Variants in HSDL2 observed in about 807,000 individuals in gnomAD.
HSDL2 encodes the protein hydroxysteroid dehydrogenase-like protein 2.
Under a neutral mutation model 46.3 loss-of-function variants are expected in HSDL2, and 27 were observed. The ratio of observed to expected loss-of-function variants is 0.58; its 90% CI spans 0.43 to 0.80. The LOEUF is 0.80. Among genes scored for constraint, HSDL2 ranks in the 30% least tolerant of loss-of-function variants. The pLI is 0.00. For synonymous variants in HSDL2, 153 were observed against 163.6 expected (o/e 0.94, Z 0.50); for missense variants, 451 against 502.7 (o/e 0.90, Z 0.98).
intron 8 of HSDL2, among the ~76,000 whole-genome samples, chr9:112,445,926 G>A (rs1478883162): frequency 6.6e-6 from 1 of 152,120 alleles, no homozygotes; most frequent in Non-Finnish European, 1.5e-5. Flanking sequence ...TCCTTCCTTA[G>A]CAGCATCCTC....
chr9:112,433,574 G>T (rs1255074472), intron 6 of HSDL2, among the ~76,000 whole-genome samples: 1 of 152,182 alleles, frequency 6.6e-6, no homozygotes, highest in South Asian at 2.1e-4. Context: ...CTGAATATGG[G>T]ATGGCTTGTA....
At chr9:112,422,273 G>T (rs1832141826) in intron 6 of HSDL2, among the ~76,000 whole-genome samples, 1 of 152,192 alleles carries the variant, frequency 6.6e-6, no homozygotes, top group Admixed American at 6.5e-5. Flanking sequence ...AAGAAAAATT[G>T]CAGTACAGCT....
intron 4 of HSDL2, among the ~76,000 whole-genome samples, chr9:112,416,404 GGCA>G (rs1182839591): frequency 6.6e-6 from 1 of 150,854 alleles, no homozygotes; most frequent in African/African-American, 2.4e-5. Flanking sequence ...ACTCCAGCCT[GGCA>G]ACAGAGAGAC....
chr9:112,416,442 AC>A (rs1831995418), intron 4 of HSDL2, among the ~76,000 whole-genome samples: 1 of 143,340 alleles, frequency 7.0e-6, no homozygotes, highest in African/African-American at 3.0e-5. Context: ...AAAAAAAAAA[AC>A]AAACAAAAAA....
At chr9:112,439,335 G>A (rs1206731263) in intron 7 of HSDL2, among the ~76,000 whole-genome samples, 1 of 152,128 alleles carries the variant, frequency 6.6e-6, no homozygotes, top group Non-Finnish European at 1.5e-5. Context: ...ATTTATGATT[G>A]TGGACTCTCT....
chr9:112,412,192 A>G (rs1014583275), intron 4 of HSDL2, among the ~76,000 whole-genome samples: 3 of 152,232 alleles, frequency 2.0e-5, no homozygotes, highest in African/African-American at 7.2e-5. Context: ...CAGATATTTC[A>G]GAATGAAACC....
At chr9:112,450,078 C>A (rs1433213434) in intron 8 of HSDL2, among the ~76,000 whole-genome samples, 1 of 152,012 alleles carries the variant, frequency 6.6e-6, no homozygotes, top group East Asian at 1.9e-4. Context: ...TACATCCAAT[C>A]GATTTTGTTA....
At chr9:112,457,708 C>G (rs1042264229) in intron 9 of HSDL2, among the ~76,000 whole-genome samples, 5 of 152,144 alleles carry the variant, frequency 3.3e-5, no homozygotes, top group Middle Eastern at 3.2e-3. Flanking sequence ...AAAAACAAAT[C>G]CACCCAAGCC....
At chr9:112,404,963 A>G (rs557816640) in intron 2 of HSDL2, among the ~76,000 whole-genome samples, 1 of 152,392 alleles carries the variant, frequency 6.6e-6, no homozygotes, top group Non-Finnish European at 1.5e-5. Context: ...CAAAACTAAC[A>G]ATCGTTGAAG....
Position 112,450,336 on chromosome 9 carries a change from A to G in HSDL2, c.866-3677A>G, listed in dbSNP as rs535312167. ...CAAGTTTAATACAGAAGTATAAAAA[A>G]AGCATAGAACAGGCCAGGTGCCGTG... On this transcript the variant is annotated intron_variant, in intron 8 of 10. Transcript: ENST00000398805. Among the ~76,000 whole-genome samples the G allele has an allele frequency of 2.0e-5, 3 of 151,964 alleles. No individual in the cohort carries two copies. The South Asian group carries it at 6.2e-4, about 32-fold the overall frequency.
intron 3 of HSDL2, among the ~76,000 whole-genome samples, chr9:112,408,445 G>T (rs1452575368): frequency 2.0e-5 from 3 of 152,158 alleles, no homozygotes; most frequent in African/African-American, 7.2e-5. Flanking sequence ...ATTGGTAGTG[G>T]TTAGTCATAT....
At position 112,382,009 on chromosome 9, in the gene HSDL2, G is replaced by A. The variant is rs567235618; in HGVS notation, c.17+1829G>A. 1.5e-3 allele frequency among the ~76,000 whole-genome samples: 231 copies of A among 152,262 alleles called. 1 individual carries two copies. The highest frequency in any genetic ancestry group is 5.1e-3 in the African/African-American group (213 of 41,554). On this transcript the variant is annotated intron_variant, in intron 1 of 10. Coordinates refer to ENST00000398805, the MANE Select transcript of HSDL2 (RefSeq NM_032303.5). The stretch of plus-strand genomic sequence containing the variant: ...TCCCAGCACTTTGGGAGGCCGAGGC[G>A]GGCGGATCACTGGAGGTCAAGAGTT...
intron 10 of HSDL2, among the ~76,000 whole-genome samples, chr9:112,469,254 T>A (rs1381429170): frequency 6.6e-6 from 1 of 151,800 alleles, no homozygotes; most frequent in East Asian, 1.9e-4. Flanking sequence ...ATATAATATA[T>A]TAACTCACAC....
At chr9:112,395,698 C>G (rs571624864) in intron 1 of HSDL2, among the ~76,000 whole-genome samples, 2 of 152,348 alleles carry the variant, frequency 1.3e-5, no homozygotes, top group African/African-American at 4.8e-5. Context: ...GGCAGGCATG[C>G]CAGGTTGGAC....
At chr9:112,434,803 T>C (rs1297186199) in intron 6 of HSDL2, among the ~76,000 whole-genome samples, 1 of 152,226 alleles carries the variant, frequency 6.6e-6, no homozygotes, top group African/African-American at 2.4e-5. Context: ...AAATCTTTGG[T>C]CTTAAGACTG....
At chr9:112,438,835 GAT>G (rs10553470) in intron 7 of HSDL2, 3,684 of 239,384 alleles carry the variant, frequency 0.015, 6 homozygotes, top group Middle Eastern at 0.035. Context: ...CTTTTGAAGT[GAT>G]ATATATATAT....
intron 1 of HSDL2, among the ~76,000 whole-genome samples, chr9:112,392,081 C>T (rs1831358221): frequency 6.6e-6 from 1 of 152,124 alleles, no homozygotes; most frequent in Admixed American, 6.5e-5. Context: ...GGTGACATCA[C>T]ATATCAGTAG....
chr9:112,466,316 G>T (rs1170851218), intron 10 of HSDL2, among the ~76,000 whole-genome samples: 1 of 152,144 alleles, frequency 6.6e-6, no homozygotes, highest in Non-Finnish European at 1.5e-5. Context: ...ACTTTGGGAG[G>T]CCGAGGCGGG....
intron 1 of HSDL2, among the ~76,000 whole-genome samples, chr9:112,393,624 A>G (rs1831393527): frequency 6.6e-6 from 1 of 152,244 alleles, no homozygotes; most frequent in Admixed American, 6.5e-5. Flanking sequence ...GCCCATGATC[A>G]CAGCGATTAA....
Sources: allele counts gnomAD v4.1 joint callset (sites outside exome capture counted in the v4.1 genomes callset), GRCh38; gene constraint gnomAD v4.1.1; transcripts MANE v1.5; gene names NCBI Gene and HGNC (gene_info 2026-07-23, HGNC 2026-07-21).